The following PDE11A variants were observed in gnomAD, a reference collection of about 807,000 sequenced individuals.
PDE11A encodes phosphodiesterase 11A, also known as dual 3',5'-cyclic-AMP and -GMP phosphodiesterase 11A.
Under a neutral mutation model 100.5 loss-of-function variants are expected in PDE11A, and 100 were observed. The observed-to-expected ratio is 1.00, with a 90% CI of 0.85 to 1.18. The LOEUF is 1.18. Among genes scored for constraint, PDE11A ranks in the 50% most tolerant of loss-of-function variants. PDE11A has a pLI of 0.00. For synonymous variants in PDE11A, 381 were observed against 420.8 expected (o/e 0.91, Z 1.16); for missense variants, 1,141 against 1,152.6 (o/e 0.99, Z 0.15).
chr2:178,034,964 A>C (rs981481255), intron 1 of PDE11A, among the ~76,000 whole-genome samples: 72 of 152,226 alleles, frequency 4.7e-4, no homozygotes, highest in African/African-American at 1.7e-3. Flanking sequence ...AATTAAAAGA[A>C]CTAGAGAAGC....
intron 16 of PDE11A, among the ~76,000 whole-genome samples, chr2:177,678,352 TG>T (rs1379896232): frequency 1.2e-4 from 18 of 152,222 alleles, no homozygotes; most frequent in Admixed American, 1.2e-3. Context: ...GCTGTATGCC[TG>T]GGCATTCTTA....
intron 2 of PDE11A, among the ~76,000 whole-genome samples, chr2:177,990,563 C>A (rs900784542): frequency 6.6e-6 from 1 of 151,864 alleles, no homozygotes; most frequent in African/African-American, 2.4e-5. Flanking sequence ...CATGGTGAAA[C>A]CCCATCTCTA....
chr2:177,970,516 A>G (rs562830812), intron 2 of PDE11A, among the ~76,000 whole-genome samples: 1 of 152,126 alleles, frequency 6.6e-6, no homozygotes, highest in Admixed American at 6.6e-5. Context: ...CAGAAAACTC[A>G]AGAGAATGAT....
intron 18 of PDE11A, among the ~76,000 whole-genome samples, chr2:177,666,071 T>C (rs13028757): frequency 0.81 from 123,877 of 152,110 alleles, 51,158 homozygotes; most frequent in East Asian, 0.98. Context: ...TTAGCAGTCA[T>C]TCTCGCTTTT....
chr2:178,075,831 G>T (rs1168376918), upstream of PDE11A, among the ~76,000 whole-genome samples: 1 of 152,086 alleles, frequency 6.6e-6, no homozygotes. Flanking sequence ...AGGAAATAAT[G>T]GAAGAGGTCC....
intron 6 of PDE11A, 70 bp from the exon 7 acceptor site, chr2:177,820,365 T>C: frequency 1.1e-6 from 1 of 916,598 alleles, no homozygotes. Flanking sequence ...ATTTTTTCCA[T>C]TTTTCATAAC....
Position 178,038,423 on chromosome 2 carries a change from A to T in PDE11A, c.913-23963T>A, listed in dbSNP as rs186513059. On this transcript the variant is annotated intron_variant, in intron 1 of 19. Transcript: ENST00000286063. ...CTGACTTCTTTCATTCCACATTATTAAAAAAAAAGAATGAAAATCAAGCAA... is the reference window on the plus strand; with the variant it reads ...CTGACTTCTTTCATTCCACATTATTTAAAAAAAAGAATGAAAATCAAGCAA... 7.3e-5 allele frequency among the ~76,000 whole-genome samples: 11 copies of T among 151,252 alleles called. No individual in the cohort carries two copies. The East Asian group carries it at 1.5e-3, about 21-fold the overall frequency.
chr2:177,907,806 C>T lies in PDE11A; in HGVS notation c.1072-2619G>A, dbSNP rs550339406. On this transcript the variant is annotated intron_variant, in intron 2 of 19. Transcript: ENST00000286063. The stretch of plus-strand genomic sequence containing the variant: ...CGTTCATTATAAAAGATTTGGGTTG[C>T]TTACATTTCAGGTTCCTCTGCTGTC... 3.9e-5 allele frequency among the ~76,000 whole-genome samples: 6 copies of T among 152,328 alleles called. No individual in the cohort carries two copies. The East Asian group carries it at 9.6e-4, about 24-fold the overall frequency.
At chr2:178,086,966 C>A (rs954147034) in intron 2 of PDE11A, among the ~76,000 whole-genome samples, 1 of 152,138 alleles carries the variant, frequency 6.6e-6, no homozygotes, top group Non-Finnish European at 1.5e-5. Flanking sequence ...CAAGAAGAAA[C>A]CTGCATCTGT....
chr2:177,782,554 C>A (rs373274986), intron 9 of PDE11A, among the ~76,000 whole-genome samples: 13 of 152,288 alleles, frequency 8.5e-5, no homozygotes, highest in African/African-American at 3.1e-4. Context: ...AAAATGTCTA[C>A]ATATTCTTGG....
At chr2:177,980,285 C>T (rs1021093054) in intron 2 of PDE11A, among the ~76,000 whole-genome samples, 1 of 150,788 alleles carries the variant, frequency 6.6e-6, no homozygotes, top group African/African-American at 2.4e-5. Flanking sequence ...GCTTTTATAT[C>T]CTATGACTAA....
intron 2 of PDE11A, among the ~76,000 whole-genome samples, chr2:177,927,914 G>C (rs1387812779): frequency 1.3e-5 from 2 of 152,012 alleles, no homozygotes; most frequent in African/African-American, 4.8e-5. Context: ...AGATCAGCCT[G>C]ACCAACATGG....
chr2:177,799,396 G>A (rs1197066811), intron 9 of PDE11A, among the ~76,000 whole-genome samples: 1 of 152,068 alleles, frequency 6.6e-6, no homozygotes, highest in Non-Finnish European at 1.5e-5. Flanking sequence ...CTGGGTATGA[G>A]GTATAAGGGA....
intron 1 of PDE11A, among the ~76,000 whole-genome samples, chr2:178,028,172 G>A (rs1195587194): frequency 6.6e-6 from 1 of 152,058 alleles, no homozygotes; most frequent in African/African-American, 2.4e-5. Context: ...CATCCCTGAA[G>A]CCTTCCTTCT....
intron 1 of PDE11A, among the ~76,000 whole-genome samples, chr2:178,028,515 A>G (rs2086506719): frequency 6.6e-6 from 1 of 152,176 alleles, no homozygotes; most frequent in Non-Finnish European, 1.5e-5. Flanking sequence ...GTTTGTGAGT[A>G]GGAGCCCTCT....
At position 177,663,913 on chromosome 2, in the gene PDE11A, G is replaced by A. The variant is rs61306957; in HGVS notation, c.2599C>T (p.Arg867Trp). ...FDRNRKDELP[R>W]LQLEWIDSIC... ...CTATCAATCCACTCCAGTTGCAACC[G>A]AGGCAGTTCATCCTTCCGGTTCCGA... The change falls in exon 19 of 20, where the codon CGG becomes TGG. Residue 867 changes from arginine (R) to tryptophan (W), a missense_variant. Transcript: ENST00000286063. 1.7e-4 allele frequency: 272 copies of A among 1,612,508 alleles called. 1 individual carries two copies. In the Middle Eastern group the frequency reaches 2.0e-3, roughly 12 times the overall value.
At chr2:177,983,342 G>C (rs932464227) in intron 2 of PDE11A, among the ~76,000 whole-genome samples, 10 of 152,130 alleles carry the variant, frequency 6.6e-5, no homozygotes, top group Admixed American at 2.6e-4. Context: ...TTGAGGACCT[G>C]CTGTGTTTGT....
rs182929765 is a variant in PDE11A at position 177,721,272 on chromosome 2, T to C, written c.2043+6386A>G. ...GGCTTGTTTCATCTGTCTCTTCACA[T>C]GCAGTGTGTGTTTGTTTTGTTTTGT... On this transcript the variant is annotated intron_variant, in intron 12 of 19. Transcript: ENST00000286063. Among the ~76,000 whole-genome samples the C allele has an allele frequency of 3.9e-5, 6 of 152,294 alleles. 1 individual carries two copies. The East Asian group carries it at 1.2e-3, about 29-fold the overall frequency.
rs537520107 is a variant in PDE11A, at chr2:177,654,884, G to A, written c.2646+8982C>T. Among the ~76,000 whole-genome samples the A allele has an allele frequency of 1.2e-4, 19 of 152,050 alleles. No individual in the cohort carries two copies. The South Asian group carries it at 2.3e-3, about 18-fold the overall frequency. On this transcript the variant is annotated intron_variant, in intron 19 of 19. Transcript: ENST00000286063. ...TTTCCTACTTCTTCCGAAGAGAGAC[G>A]AAGAAGAGAGGCTCATGAAGAAAAG...
Sources: gnomAD v4.1 joint callset for allele counts (sites outside exome capture counted in the v4.1 genomes callset) on GRCh38, gnomAD v4.1.1 for gene constraint, MANE v1.5 for transcripts, NCBI Gene and HGNC (gene_info 2026-07-23, HGNC 2026-07-21) for gene names.